The following MAGEB16 variants were observed in gnomAD, a reference collection of about 807,000 sequenced individuals.
MAGEB16 encodes melanoma-associated antigen B16.
For synonymous variants in MAGEB16, 95 were observed against 92.1 expected (o/e 1.03, Z -0.18); for missense variants, 217 against 234.0 (o/e 0.93, Z 0.47).
At chrX:35,803,300 G>A (rs1376413787) in exon 2 of MAGEB16, 1 of 712,041 alleles carries the variant, frequency 1.4e-6, no homozygotes, top group African/African-American at 2.2e-5. Context: ...AGTGTTCAAG[G>A]ATGCAGGTCC....
chrX:35,800,723 A>T (rs1934855375), intron 1 of MAGEB16, among the ~76,000 whole-genome samples: 1 of 110,824 alleles, frequency 9.0e-6, no homozygotes, highest in Admixed American at 9.6e-5. Flanking sequence ...AACTCAGGAT[A>T]ACAAAGGTTT....
At chrX:35,799,929 G>A (rs1251562389) in intron 1 of MAGEB16, among the ~76,000 whole-genome samples, 1 of 111,325 alleles carries the variant, frequency 9.0e-6, no homozygotes, top group Non-Finnish European at 1.9e-5. Flanking sequence ...TGTAGGCCTT[G>A]GTTTGAGGGA....
chrX:35,798,822 G>A (rs1934836658), intron 1 of MAGEB16: 1 of 111,369 alleles, frequency 9.0e-6, no homozygotes, highest in African/African-American at 3.3e-5. Flanking sequence ...TGTCGGCAGA[G>A]GAAGGCATCT....
chrX:35,802,071 A>C, intron 1 of MAGEB16, 60 bp from the exon 2 acceptor site: 6 of 854,847 alleles, frequency 7.0e-6, no homozygotes, highest in African/African-American at 2.0e-5. Flanking sequence ...GGCTTCCATC[A>C]GAGCTACCGC....
At chrX:35,802,689 A>T (rs1369892210) in exon 2 of MAGEB16, 10 of 1,211,451 alleles carry the variant, frequency 8.3e-6, no homozygotes, top group Non-Finnish European at 1.0e-5. Context: ...CCTAGAGATG[A>T]TATTTGGCCT....
exon 2 of MAGEB16, chrX:35,803,243 G>C: frequency 9.9e-7 from 1 of 1,007,266 alleles, no homozygotes; most frequent in Non-Finnish European, 1.3e-6. Flanking sequence ...CCCATACCTA[G>C]TGAAGACAAG....
Position 35,802,874 on chromosome X carries a change from G to A in MAGEB16, c.678G>A (p.Trp226Ter), listed in dbSNP as rs1033783105. 3.3e-6 allele frequency: 4 copies of A among 1,210,125 alleles called. No homozygotes were observed. Among genetic ancestry groups the A allele is most frequent in the African/African-American group, 1.7e-5 (1 of 57,149 alleles). ...ACCGTGCCACTGAAGAGGAAGTCTGGGAAGTGCTGAATTTGACGGGAGTAT... is the reference window on the plus strand; with the variant it reads ...ACCGTGCCACTGAAGAGGAAGTCTGAGAAGTGCTGAATTTGACGGGAGTAT... Residue 226 changes from tryptophan to a stop codon, truncating the protein, a stop_gained, in exon 2 of 2, where the codon TGG becomes TGA. Coordinates refer to ENST00000399988, the Ensembl canonical transcript of MAGEB16. LOFTEE classifies it low-confidence loss of function (END_TRUNC).
intron 1 of MAGEB16, among the ~76,000 whole-genome samples, chrX:35,801,579 A>G (rs1206714493): frequency 8.9e-6 from 1 of 112,112 alleles, no homozygotes; most frequent in Non-Finnish European, 1.9e-5. Context: ...AGGGGACAAC[A>G]TTAGGTTAAC....
At chrX:35,800,668 G>T in intron 1 of MAGEB16, 1 of 506,233 alleles carries the variant, frequency 2.0e-6, no homozygotes, top group Non-Finnish European at 3.6e-6. Flanking sequence ...GGAGGCTCTG[G>T]GCAGGGCTGT....
intron 1 of MAGEB16, among the ~76,000 whole-genome samples, chrX:35,801,699 A>G (rs1160793978): frequency 2.7e-5 from 3 of 112,736 alleles, no homozygotes; most frequent in Non-Finnish European, 5.6e-5. Flanking sequence ...AGGTCCTGCT[A>G]TCAGCCCTGG....
chrX:35,803,369 A>G (rs1484147409), exon 2 of MAGEB16: 1 of 352,591 alleles, frequency 2.8e-6, no homozygotes, highest in Non-Finnish European at 5.0e-6. Flanking sequence ...TGTATGTGTA[A>G]CTTGACAGTT....
intron 1 of MAGEB16, chrX:35,798,890 A>T (rs146220859): frequency 0.042 from 4,688 of 111,117 alleles, 101 homozygotes; most frequent in Non-Finnish European, 0.064. Flanking sequence ...GTTTTTTTTG[A>T]GACGGAGTCT....
exon 2 of MAGEB16, chrX:35,802,845 G>A (rs1404382841): frequency 8.3e-7 from 1 of 1,211,760 alleles, no homozygotes; most frequent in South Asian, 1.8e-5. Context: ...CTTCATGAAG[G>A]GCAACCGTGC....
exon 2 of MAGEB16, chrX:35,803,026 G>C: frequency 8.3e-7 from 1 of 1,212,005 alleles, no homozygotes; most frequent in African/African-American, 1.7e-5. Flanking sequence ...GAATTCCTGT[G>C]GGGCCCAAGA....
At chrX:35,802,173 C>T in exon 2 of MAGEB16, 1 of 1,210,493 alleles carries the variant, frequency 8.3e-7, no homozygotes, top group Non-Finnish European at 1.1e-6. Flanking sequence ...ACACTCCTGC[C>T]TACTGCCACC....
chrX:35,802,230 C>T, exon 2 of MAGEB16: 1 of 1,211,634 alleles, frequency 8.3e-7, no homozygotes, highest in Non-Finnish European at 1.1e-6. Context: ...ACGATGCACA[C>T]ATGATCAGCA....
At chrX:35,801,006 G>A (rs1008788483) in intron 1 of MAGEB16, among the ~76,000 whole-genome samples, 1 of 111,184 alleles carries the variant, frequency 9.0e-6, no homozygotes, top group African/African-American at 3.3e-5. Context: ...GATATATGTC[G>A]CCAAAGAGCC....
chrX:35,802,277 T>C, exon 2 of MAGEB16: 1 of 1,211,125 alleles, frequency 8.3e-7, no homozygotes, highest in Non-Finnish European at 1.1e-6. Context: ...GCCTGGAGGT[T>C]GCACAGGTCT....
At chrX:35,800,818 C>A (rs1934856155) in intron 1 of MAGEB16, among the ~76,000 whole-genome samples, 1 of 111,606 alleles carries the variant, frequency 9.0e-6, no homozygotes, top group African/African-American at 3.3e-5. Flanking sequence ...AACACTCACC[C>A]CAGAAAAGAG....
Sources: gnomAD v4.1 joint callset for allele counts (sites outside exome capture counted in the v4.1 genomes callset) on GRCh38, gnomAD v4.1.1 for gene constraint, MANE v1.5 for transcripts, NCBI Gene and HGNC (gene_info 2026-07-23, HGNC 2026-07-21) for gene names.